Variants in SYN3 observed in about 807,000 individuals in gnomAD.
SYN3 encodes the protein synapsin-3.
In SYN3, 35 loss-of-function variants were observed where a neutral mutation model predicts 65.8. That is an observed-to-expected ratio of 0.53 (90% CI 0.41 to 0.70). SYN3 has a LOEUF of 0.70. Ranked by LOEUF, SYN3 falls within the 30% of genes least tolerant of loss-of-function variation. The pLI is 0.00. For missense variants in SYN3, 680 were observed against 749.0 expected (o/e 0.91, Z 1.08); for synonymous variants, 270 against 292.9 (o/e 0.92, Z 0.80).
chr22:32,929,099 A>G (rs1464835268), intron 4 of SYN3, among the ~76,000 whole-genome samples: 3 of 152,208 alleles, frequency 2.0e-5, no homozygotes, highest in South Asian at 2.1e-4. Context: ...CCTGACCGAC[A>G]TGGCAAAACC....
chr22:32,965,941 G>T (rs977667768), intron 3 of SYN3, among the ~76,000 whole-genome samples: 1 of 152,130 alleles, frequency 6.6e-6, no homozygotes, highest in African/African-American at 2.4e-5. Flanking sequence ...TGATCTGCCC[G>T]CCTTGGCCTC....
At chr22:33,029,789 C>T (rs183191358) in intron 1 of SYN3, among the ~76,000 whole-genome samples, 113 of 152,268 alleles carry the variant, frequency 7.4e-4, no homozygotes, top group Non-Finnish European at 1.5e-3. Context: ...CCAGGCCCTA[C>T]GGATTTTCCA....
intron 5 of SYN3, among the ~76,000 whole-genome samples, chr22:32,866,116 G>T (rs1601580614): frequency 6.6e-6 from 1 of 152,146 alleles, no homozygotes; most frequent in East Asian, 1.9e-4. Flanking sequence ...GCTGCTGGTG[G>T]ATATAAGCAG....
At chr22:32,659,515 A>G (rs1478188191) in intron 6 of SYN3, among the ~76,000 whole-genome samples, 3 of 152,304 alleles carry the variant, frequency 2.0e-5, no homozygotes, top group East Asian at 1.9e-4. Flanking sequence ...CCCACATCAC[A>G]TTCTGTGCAC....
At chr22:32,550,651 A>G (rs1034463162) in intron 7 of SYN3, among the ~76,000 whole-genome samples, 20 of 152,126 alleles carry the variant, frequency 1.3e-4, no homozygotes, top group African/African-American at 4.1e-4. Context: ...TTTCTCTTAA[A>G]AACATATATG....
intron 6 of SYN3, among the ~76,000 whole-genome samples, chr22:32,747,713 A>G (rs1220027295): frequency 1.3e-5 from 2 of 152,192 alleles, no homozygotes; most frequent in Non-Finnish European, 2.9e-5. Context: ...AATTCTTTAC[A>G]CCAAAGCAAT....
At chr22:32,614,316 G>T (rs2059485781) in intron 6 of SYN3, among the ~76,000 whole-genome samples, 1 of 152,212 alleles carries the variant, frequency 6.6e-6, no homozygotes, top group Admixed American at 6.5e-5. Context: ...GATGTGTGTG[G>T]GTAACAGGGA....
intron 6 of SYN3, among the ~76,000 whole-genome samples, chr22:32,742,266 T>C (rs1025305532): frequency 6.6e-6 from 1 of 151,758 alleles, no homozygotes; most frequent in Non-Finnish European, 1.5e-5. Flanking sequence ...ACAGAGTCCA[T>C]CTCAAAGTAA....
Position 32,869,123 on chromosome 22 carries a change from C to T in SYN3, c.464G>A (p.Arg155Lys). 6.2e-7 allele frequency: 1 copy of T among 1,613,006 alleles called. No homozygotes were observed. The highest frequency in any genetic ancestry group is 8.5e-7 in the Non-Finnish European group (1 of 1,179,304). ...CAGGATGAAGTCTGGCTTGAAGGATCTGCTGAGAAAGCCAACAGCAGTGTT... is the reference window on the plus strand; with the variant it reads ...CAGGATGAAGTCTGGCTTGAAGGATTTGCTGAGAAAGCCAACAGCAGTGTT... ...VVRNGTKVVS[R>K]SFKPDFILVR... The change falls in exon 5 of 14, where the codon AGA becomes AAA. Residue 155 changes from arginine to lysine, a missense_variant and splice_region_variant. Arg to Lys is a conservative substitution (Grantham distance 26). Coordinates refer to ENST00000358763, the MANE Select transcript of SYN3 (RefSeq NM_003490.4).
chr22:32,708,906 C>T (rs755360186), intron 6 of SYN3, among the ~76,000 whole-genome samples: 8 of 152,226 alleles, frequency 5.3e-5, no homozygotes, highest in Non-Finnish European at 1.2e-4. Context: ...GGACTTTTGC[C>T]GCAGGCTGCA....
intron 3 of SYN3, among the ~76,000 whole-genome samples, chr22:32,956,474 C>T (rs1478536369): frequency 6.6e-6 from 1 of 152,100 alleles, no homozygotes; most frequent in Non-Finnish European, 1.5e-5. Flanking sequence ...AATTTCTATC[C>T]TACTGTGTCT....
intron 7 of SYN3, among the ~76,000 whole-genome samples, chr22:32,563,794 T>C (rs565506707): frequency 6.6e-6 from 1 of 152,266 alleles, no homozygotes; most frequent in Non-Finnish European, 1.5e-5. Context: ...CTCAGCTTCC[T>C]GAGTAGCTGG....
chr22:32,699,543 T>G (rs1283563953), intron 6 of SYN3, among the ~76,000 whole-genome samples: 1 of 151,614 alleles, frequency 6.6e-6, no homozygotes, highest in African/African-American at 2.4e-5. Context: ...GGGATGGGGG[T>G]AGGTGCTGAG....
rs550722236 is a variant in SYN3 at position 32,846,553 on chromosome 22, C to T, written c.711+18362G>A. On this transcript the variant is annotated intron_variant, in intron 6 of 13. Transcript: ENST00000358763. ...TATATTAATACGACCCTCACAGCAA[C>T]TTTATGAGGCATTGTTTCATCATTC... Among the ~76,000 whole-genome samples, 14 of 152,318 alleles carry T rather than the reference C, an allele frequency of 9.2e-5. No homozygotes were observed. The East Asian group carries it at 1.7e-3, about 19-fold the overall frequency.
At chr22:33,031,078 G>A (rs2053747938) in intron 1 of SYN3, among the ~76,000 whole-genome samples, 1 of 152,220 alleles carries the variant, frequency 6.6e-6, no homozygotes, top group Admixed American at 6.5e-5. Context: ...GCAGCACTCA[G>A]TCTTACCACC....
intron 2 of SYN3, among the ~76,000 whole-genome samples, chr22:32,997,601 A>G (rs2052918464): frequency 6.6e-6 from 1 of 152,128 alleles, no homozygotes; most frequent in Non-Finnish European, 1.5e-5. Flanking sequence ...CTTAACAACC[A>G]GTTCTCTGGA....
At chr22:32,630,233 C>T (rs536832859) in intron 6 of SYN3, among the ~76,000 whole-genome samples, 7 of 152,192 alleles carry the variant, frequency 4.6e-5, no homozygotes, top group South Asian at 2.1e-4. Flanking sequence ...CTGCCCCCCT[C>T]GGCCTCCCAG....
intron 6 of SYN3, among the ~76,000 whole-genome samples, chr22:32,618,501 C>A (rs1013939897): frequency 6.6e-6 from 1 of 152,046 alleles, no homozygotes; most frequent in Non-Finnish European, 1.5e-5. Context: ...TGTTTCTTTC[C>A]CCCTTCTAAA....
At chr22:32,555,275 T>A (rs902093422) in intron 7 of SYN3, among the ~76,000 whole-genome samples, 2 of 152,182 alleles carry the variant, frequency 1.3e-5, no homozygotes, top group African/African-American at 4.8e-5. Context: ...GGAATAATGC[T>A]TGAAGAGGGG....
Sources: gnomAD v4.1 joint callset for allele counts (sites outside exome capture counted in the v4.1 genomes callset) on GRCh38, gnomAD v4.1.1 for gene constraint, MANE v1.5 for transcripts, NCBI Gene and HGNC (gene_info 2026-07-23, HGNC 2026-07-21) for gene names.